BPTF: variants seen among roughly 807,000 people sequenced by gnomAD.
BPTF encodes the protein nucleosome-remodeling factor subunit BPTF.
BPTF carries 18 observed loss-of-function variants against 292.5 expected under a neutral mutation model. That is an observed-to-expected ratio of 0.06 (90% confidence interval 0.04 to 0.09). BPTF has a LOEUF of 0.09. BPTF is among the 10% of genes least tolerant of loss of function. BPTF has a pLI of 1.00. For missense variants in BPTF, 2,726 were observed against 3,498.7 expected (o/e 0.78, Z 5.57); for synonymous variants, 1,225 against 1,251.9 (o/e 0.98, Z 0.45).
Position 67,866,584 on chromosome 17 carries a change from T to C in BPTF, c.1557T>C (p.Ile519=), listed in dbSNP as rs2145470744. The C allele has an allele frequency of 6.2e-7, 1 of 1,614,030 alleles. No individual in the cohort carries two copies. The highest frequency in any genetic ancestry group is 2.2e-5 in the East Asian group (1 of 44,882). The change falls in exon 3 of 28, where the codon ATT becomes ATC. Residue 519 remains isoleucine, a synonymous_variant. Coordinates refer to ENST00000306378, the MANE Select transcript of BPTF (RefSeq NM_182641.4). Reference sequence around the variant, plus strand: ...ATTGGGAAGCAGAACTCTGCAAAATTCTAGAAGAAATGCGTGAAGAAATCC... The same window carrying C: ...ATTGGGAAGCAGAACTCTGCAAAATCCTAGAAGAAATGCGTGAAGAAATCC... ...KDYWEAELCK[I]LEEMREEIHR... is the part of the protein sequence containing the mutation.
intron 4 of BPTF, among the ~76,000 whole-genome samples, chr17:67,880,638 G>T (rs2060337228): frequency 6.6e-6 from 1 of 151,722 alleles, no homozygotes; most frequent in South Asian, 2.1e-4. Flanking sequence ...TTGGTTTTTG[G>T]TTTTTTGTGT....
rs750130106 is a variant in BPTF at position 67,854,350 on chromosome 17, C to A, written c.1024C>A (p.His342Asn). 13 of 1,614,194 alleles carry A rather than the reference C, an allele frequency of 8.1e-6. No homozygotes were observed. Among genetic ancestry groups the A allele is most frequent in the Non-Finnish European group, 1.1e-5 (13 of 1,180,034 alleles). Residue 342 changes from histidine (H) to asparagine (N), a missense_variant, in exon 2 of 28, where the codon CAC (histidine) becomes AAC (asparagine). By Grantham distance (68) the His-to-Asn change is moderately conservative. Transcript: ENST00000306378. The surrounding 1 kb of genome is among the most constrained non-coding windows in gnomAD (Gnocchi z 5.6). ...VYCESDKEYH[H>N]VLPYQEAEDY... ...CTGTGAGAGTGATAAGGAGTACCAT[C>A]ACGTTCTTCCTTACCAAGAGGCAGA...
chr17:67,854,280 G>C lies in BPTF; in HGVS notation c.954G>C (p.Leu318=). The part of the protein sequence containing the change: ...ADLKDSVNST[L]YFIDGMTWPE... ...TGAAAGATAGCGTTAATTCCACACT[G>C]TATTTCATAGATGGGATGACGTGGC... Residue 318 remains leucine, a synonymous_variant, in exon 2 of 28, where the codon CTG becomes CTC. Coordinates refer to ENST00000306378, the MANE Select transcript of BPTF (RefSeq NM_182641.4). The surrounding 1 kb of genome is among the most constrained non-coding windows in gnomAD (Gnocchi z 5.6). The C allele has an allele frequency of 6.2e-7, 1 of 1,614,156 alleles. No individual in the cohort carries two copies. The highest frequency in any genetic ancestry group is 8.5e-7 in the Non-Finnish European group (1 of 1,180,036).
At chr17:67,849,673 C>T (rs1451734865) in intron 1 of BPTF, among the ~76,000 whole-genome samples, 2 of 151,950 alleles carry the variant, frequency 1.3e-5, no homozygotes, top group Non-Finnish European at 2.9e-5. Context: ...CGTGGTGGCT[C>T]ACACCTGTAA....
At chr17:67,952,659 G>A (rs558502116) in intron 23 of BPTF, among the ~76,000 whole-genome samples, 1 of 152,186 alleles carries the variant, frequency 6.6e-6, no homozygotes, top group East Asian at 1.9e-4. Context: ...ATTAATGTTA[G>A]CATGGCACAT....
At chr17:67,884,424 T>C (rs911517046) in intron 4 of BPTF, among the ~76,000 whole-genome samples, 2 of 150,756 alleles carry the variant, frequency 1.3e-5, no homozygotes, top group Admixed American at 6.6e-5. Flanking sequence ...CCCCTCCCTT[T>C]TTTTTTTTTC....
At chr17:67,948,344 T>C in intron 23 of BPTF, 38 bp downstream of exon 23, 1 of 1,540,528 alleles carries the variant, frequency 6.5e-7, no homozygotes, top group Non-Finnish European at 8.8e-7. Flanking sequence ...GTCCAGTGTT[T>C]AACATCTGAG....
In BPTF at chr17:67,959,859, C is replaced by G; in HGVS notation, c.8245C>G (p.Pro2749Ala). 1 of 1,590,294 alleles carries G rather than the reference C, an allele frequency of 6.3e-7. No individual in the cohort carries two copies. Among genetic ancestry groups the G allele is most frequent in the Non-Finnish European group, 8.6e-7 (1 of 1,169,544 alleles). ...AAAGCTTTACTGTATCTGTAAAACGCCTTATGATGAATCTAAGTGAGTAGA... is the reference window on the plus strand; with the variant it reads ...AAAGCTTTACTGTATCTGTAAAACGGCTTATGATGAATCTAAGTGAGTAGA... ...DTKLYCICKT[P>A]YDESKFYIGC... The change falls in exon 24 of 28, where the codon CCT (proline) becomes GCT (alanine). Residue 2749 changes from proline to alanine, a missense_variant. Physicochemically the swap from Pro to Ala is conservative, Grantham distance 27. Around this residue, in one of 22 missense-constraint regions of BPTF, gnomAD observed 48 missense variants for 114.2 expected, o/e 0.42. Transcript: ENST00000306378.
intron 19 of BPTF, 120 bp from the exon 20 acceptor site, chr17:67,944,030 A>G (rs1203071448): frequency 1.3e-6 from 1 of 795,964 alleles, no homozygotes; most frequent in East Asian, 2.7e-5. Context: ...TGCTGGTGAC[A>G]TTCAAATATG....
chr17:67,943,007 T>G (rs1249513836), intron 19 of BPTF, among the ~76,000 whole-genome samples: 2 of 152,182 alleles, frequency 1.3e-5, no homozygotes, highest in African/African-American at 4.8e-5. Flanking sequence ...ATATTGCTCC[T>G]GAGTTTGTGA....
At chr17:67,949,378 C>T (rs1242837950) in intron 23 of BPTF, among the ~76,000 whole-genome samples, 1 of 151,664 alleles carries the variant, frequency 6.6e-6, no homozygotes, top group East Asian at 2.0e-4. Flanking sequence ...AGTTCGAGAC[C>T]AGCCAGACCA....
Position 67,912,734 on chromosome 17 carries a change from C to T in BPTF, c.4850C>T (p.Thr1617Ile). The T allele has an allele frequency of 6.2e-7, 1 of 1,614,042 alleles. No individual in the cohort carries two copies. The change falls in exon 11 of 28, where the codon ACA becomes ATA. Residue 1617 changes from threonine (T) to isoleucine (I), a missense_variant. Physicochemically the swap from Thr to Ile is moderately conservative, Grantham distance 89. Around this residue, in one of 22 missense-constraint regions of BPTF, gnomAD observed 144 missense variants for 177.2 expected, o/e 0.81. Coordinates refer to ENST00000306378, the MANE Select transcript of BPTF (RefSeq NM_182641.4). ...GATAAGCAAACTGTGGTTTCTTCCA[C>T]AGAAAATTGTGCAAAATCCACTGTC... The part of the protein sequence containing the change: ...KGDKQTVVSS[T>I]ENCAKSTVTT...
chr17:67,920,027 C>G lies in BPTF; in HGVS notation c.5441C>G (p.Thr1814Ser). Residue 1814 changes from threonine to serine, a missense_variant, in exon 13 of 28, where the codon ACT becomes AGT. Coordinates refer to ENST00000306378, the MANE Select transcript of BPTF (RefSeq NM_182641.4). ...GGTTRTETSETEITTTEIIKR... is the reference protein window; with the variant it reads ...GGTTRTETSESEITTTEIIKR... ...TAAATCACCATAGAAACATCCGAAA[C>G]TGAAATCACAACAACAGAAATAATT... is the stretch of plus-strand genomic sequence containing the variant. 1 of 1,610,152 alleles carries G rather than the reference C, an allele frequency of 6.2e-7. No homozygotes were observed. Among genetic ancestry groups the G allele is most frequent in the Non-Finnish European group, 8.5e-7 (1 of 1,178,008 alleles).
At chr17:67,891,312 A>C (rs897683531) in intron 4 of BPTF, 1 of 152,264 alleles carries the variant, frequency 6.6e-6, no homozygotes, top group Non-Finnish European at 1.5e-5. Context: ...ATTAGGTTAT[A>C]AAAAACTAAT....
chr17:67,968,305 A>G (rs1555688695), intron 26 of BPTF, among the ~76,000 whole-genome samples: 3 of 151,444 alleles, frequency 2.0e-5, no homozygotes, highest in Non-Finnish European at 2.9e-5. Context: ...TCTCTGAAAA[A>G]TAAACGTAAT....
intron 2 of BPTF, among the ~76,000 whole-genome samples, chr17:67,862,353 T>G (rs1363980711): frequency 6.6e-6 from 1 of 152,228 alleles, no homozygotes; most frequent in African/African-American, 2.4e-5. Context: ...ATGATACCCA[T>G]GAAGTGCTGG....
chr17:67,844,818 A>C (rs1598193668), intron 1 of BPTF, among the ~76,000 whole-genome samples: 1 of 151,896 alleles, frequency 6.6e-6, no homozygotes, highest in Non-Finnish European at 1.5e-5. Context: ...ATCTCGGCTC[A>C]CCGCAACCTC....
rs549022549 is a variant in BPTF at position 67,828,673 on chromosome 17, C to T, written c.613+2336C>T. On this transcript the variant is annotated intron_variant, in intron 1 of 27. Transcript: ENST00000306378. ...CCTCCCAAGTAGCTGGGATTAAAGG[C>T]ATGCAGCACCACGCCCAGCTAATTT... is the stretch of plus-strand genomic sequence containing the variant. Among the ~76,000 whole-genome samples, 214 of 152,298 alleles carry T rather than the reference C, an allele frequency of 1.4e-3. 1 individual carries two copies. The highest frequency in any genetic ancestry group is 2.4e-3 in the Non-Finnish European group (163 of 68,010).
chr17:67,910,701 G>A (rs1276883776), intron 10 of BPTF, among the ~76,000 whole-genome samples, 176 bp from the exon 11 acceptor site: 1 of 152,028 alleles, frequency 6.6e-6, no homozygotes, highest in Non-Finnish European at 1.5e-5. Flanking sequence ...TTGGGAGGCT[G>A]AAGCATGAGA....
Sources: allele counts gnomAD v4.1 joint callset (sites outside exome capture counted in the v4.1 genomes callset), GRCh38; gene constraint gnomAD v4.1.1; regional missense constraint gnomAD v4.1.1; non-coding constraint Gnocchi (gnomAD v3.1); transcripts MANE v1.5; gene names NCBI Gene and HGNC (gene_info 2026-07-23, HGNC 2026-07-21).